The following TBK1 variants were observed in gnomAD, a reference collection of about 807,000 sequenced individuals.
TBK1 encodes serine/threonine-protein kinase TBK1.
A neutral mutation model predicts 99.9 loss-of-function variants in TBK1; 37 were observed. That is an observed-to-expected ratio of 0.37 (90% CI 0.28 to 0.49). The LOEUF is 0.49. Among genes scored for constraint, TBK1 ranks in the 20% least tolerant of loss-of-function variants. The pLI is 0.98. For synonymous variants in TBK1, 258 were observed against 279.8 expected (o/e 0.92, Z 0.78); for missense variants, 644 against 872.5 (o/e 0.74, Z 3.30).
chr12:64,453,588 TG>T (rs1257125635), intron 1 of TBK1, among the ~76,000 whole-genome samples: 6 of 152,342 alleles, frequency 3.9e-5, no homozygotes, highest in African/African-American at 1.4e-4. Flanking sequence ...CTGACCATTC[TG>T]CATTTTCCTA....
chr12:64,465,563 T>C (rs2040595790), intron 4 of TBK1, among the ~76,000 whole-genome samples: 2 of 150,492 alleles, frequency 1.3e-5, no homozygotes, highest in South Asian at 4.2e-4. Flanking sequence ...TAAACAAAAA[T>C]GTGGTGTGTC....
At chr12:64,478,393 G>GC (rs962669125) in intron 6 of TBK1, among the ~76,000 whole-genome samples, 11 of 152,140 alleles carry the variant, frequency 7.2e-5, no homozygotes, top group East Asian at 3.9e-4. Flanking sequence ...CAAGTGATCT[G>GC]CCCCCCGCCT....
chr12:64,500,418 C>T (rs1481007149), intron 20 of TBK1, among the ~76,000 whole-genome samples: 2 of 152,176 alleles, frequency 1.3e-5, no homozygotes, highest in South Asian at 2.1e-4. Context: ...TCGTCACCCT[C>T]ATTCAGATCT....
intron 5 of TBK1, 73 bp downstream of exon 5, chr12:64,467,155 A>T: frequency 8.4e-7 from 1 of 1,192,788 alleles, no homozygotes; most frequent in Non-Finnish European, 1.1e-6. Flanking sequence ...GTAATTGGTC[A>T]GCCAATTCAC....
chr12:64,491,269 A>C (rs555580728), intron 13 of TBK1, among the ~76,000 whole-genome samples: 75 of 152,166 alleles, frequency 4.9e-4, no homozygotes, highest in African/African-American at 1.8e-3. Context: ...AAAATCAGCA[A>C]TTTCTTACCC....
intron 11 of TBK1, 73 bp downstream of exon 11, chr12:64,486,090 C>A: frequency 9.7e-7 from 1 of 1,030,882 alleles, no homozygotes; most frequent in Non-Finnish European, 1.4e-6. Flanking sequence ...TTTCTCTCTT[C>A]AAACTAGTTA....
chr12:64,466,252 A>G (rs1207076304), intron 4 of TBK1, among the ~76,000 whole-genome samples: 3 of 152,216 alleles, frequency 2.0e-5, no homozygotes, highest in Non-Finnish European at 4.4e-5. Flanking sequence ...ACATTCATCT[A>G]TCAGCCCTCA....
chr12:64,489,926 AT>A lies in TBK1; in HGVS notation c.1443-109del, dbSNP rs2040853500. 3 of 683,378 alleles carry A rather than the reference AT, an allele frequency of 4.4e-6. No individual in the cohort carries two copies. The South Asian group carries it at 8.5e-5, about 19-fold the overall frequency. 42.3% of individuals were successfully genotyped at this position (683,378 alleles called of 1,614,324 possible). A position where few individuals can be genotyped will look rare whatever the true frequency, so the allele number is the denominator to read the frequency against. On this transcript the variant is annotated intron_variant, in intron 12 of 20. Transcript: ENST00000331710. ...CTGCTGGCTTATAGACTTTGAATCA[AT>A]TTTTTATTTTTAAATGGTTATGATG...
chr12:64,493,655 C>T (rs961606621), intron 13 of TBK1, among the ~76,000 whole-genome samples: 1 of 151,822 alleles, frequency 6.6e-6, no homozygotes, highest in Non-Finnish European at 1.5e-5. Context: ...AAGAGTGGCT[C>T]CTGGGCCAGC....
chr12:64,462,405 A>T (rs1367570188), intron 3 of TBK1, among the ~76,000 whole-genome samples: 1 of 152,262 alleles, frequency 6.6e-6, no homozygotes, highest in East Asian at 1.9e-4. Flanking sequence ...TATATGTAGT[A>T]TGATCTTAAC....
chr12:64,470,639 ATC>A (rs1312158444), intron 5 of TBK1, among the ~76,000 whole-genome samples: 2 of 152,246 alleles, frequency 1.3e-5, no homozygotes, highest in Non-Finnish European at 2.9e-5. Flanking sequence ...TTGCACAAGT[ATC>A]TGGCAGAATA....
chr12:64,487,000 G>C lies in TBK1; in HGVS notation c.1340+983G>C, dbSNP rs570017297. ...ATATAATCTAACAAGCAATTTAAAAGCTAATTTTTTAAAACTAGATCGCTT... is the reference window on the plus strand; with the variant it reads ...ATATAATCTAACAAGCAATTTAAAACCTAATTTTTTAAAACTAGATCGCTT... On this transcript the variant is annotated intron_variant, in intron 11 of 20. Coordinates refer to ENST00000331710, the MANE Select transcript of TBK1 (RefSeq NM_013254.4). 2.0e-5 allele frequency among the ~76,000 whole-genome samples: 3 copies of C among 152,130 alleles called. No homozygotes were observed. In the East Asian group the frequency reaches 5.8e-4, roughly 29 times the overall value.
intron 5 of TBK1, among the ~76,000 whole-genome samples, chr12:64,471,442 T>A (rs1407299126): frequency 6.6e-6 from 1 of 152,120 alleles, no homozygotes; most frequent in Admixed American, 6.5e-5. Flanking sequence ...AACCTCCACC[T>A]CCTGGATTCA....
At position 64,460,277 on chromosome 12, in the gene TBK1, T is replaced by G. The variant is rs2040532362; in HGVS notation, c.176T>G (p.Leu59Trp). 1 of 1,583,820 alleles carries G rather than the reference T, an allele frequency of 6.3e-7. No individual in the cohort carries two copies. Among genetic ancestry groups the G allele is most frequent in the Admixed American group, 1.8e-5 (1 of 56,598 alleles). The change falls in exon 3 of 21, where the codon TTG becomes TGG. Residue 59 changes from leucine to tryptophan, a missense_variant. Transcript: ENST00000331710. The part of the protein sequence containing the change: ...VDVQMREFEV[L>W]KKLNHKNIVK... ...GTTCAAATGAGAGAATTTGAAGTGT[T>G]GAAAAAACTCAATCACAAAAATATT...
intron 3 of TBK1, among the ~76,000 whole-genome samples, chr12:64,460,832 C>CAAAAAA (rs1221718352): frequency 2.2e-5 from 1 of 45,472 alleles, no homozygotes; most frequent in African/African-American, 8.4e-5. Context: ...GACTCCATCT[C>CAAAAAA]AAAAAAAAAA....
chr12:64,484,528 A>G, intron 9 of TBK1, 29 bp downstream of exon 9: 6 of 1,575,672 alleles, frequency 3.8e-6, no homozygotes, highest in Non-Finnish European at 5.2e-6. Flanking sequence ...TGTCGTTCTT[A>G]CTAGCCATTA....
At chr12:64,479,397 A>T (rs2040745161) in intron 6 of TBK1, among the ~76,000 whole-genome samples, 1 of 152,210 alleles carries the variant, frequency 6.6e-6, no homozygotes, top group African/African-American at 2.4e-5. Flanking sequence ...GCCACTGCTG[A>T]GGAAGCAGCA....
chr12:64,487,062 A>C (rs758768744), intron 11 of TBK1, among the ~76,000 whole-genome samples: 8 of 152,236 alleles, frequency 5.3e-5, no homozygotes, highest in Non-Finnish European at 1.2e-4. Flanking sequence ...CTGGTTATCT[A>C]GTTTAAGTAG....
At chr12:64,486,868 A>G (rs2040825747) in intron 11 of TBK1, among the ~76,000 whole-genome samples, 1 of 152,188 alleles carries the variant, frequency 6.6e-6, no homozygotes, top group Non-Finnish European at 1.5e-5. Context: ...TGCATCCATT[A>G]GTATTCACTC....
Sources: gnomAD v4.1 joint callset for allele counts (sites outside exome capture counted in the v4.1 genomes callset) on GRCh38, gnomAD v4.1.1 for gene constraint, MANE v1.5 for transcripts, NCBI Gene and HGNC (gene_info 2026-07-23, HGNC 2026-07-21) for gene names.